SOCS5: variants seen among roughly 807,000 people sequenced by gnomAD.
SOCS5 encodes CIS-6.
Under a neutral mutation model 42.8 loss-of-function variants are expected in SOCS5, and 32 were observed. That is an observed-to-expected ratio of 0.75 (90% CI 0.56 to 1.01). SOCS5 has a LOEUF of 1.01. Ranked by LOEUF, SOCS5 falls within the 50% of genes least tolerant of loss-of-function variation. The probability of loss-of-function intolerance (pLI) is 0.00; values close to 1 mark genes in which losing one functional copy is unlikely to be tolerated. For synonymous variants in SOCS5, 283 were observed against 229.6 expected, an observed-to-expected ratio of 1.23 and a Z score of -2.10; for missense variants, 627 against 653.0, an observed-to-expected ratio of 0.96 and a Z score of 0.43.
At chr2:46,703,431 A>C (rs1180970805) in intron 1 of SOCS5, among the ~76,000 whole-genome samples, 3 of 152,038 alleles carry the variant, frequency 2.0e-5, no homozygotes, top group Non-Finnish European at 4.4e-5. Flanking sequence ...GTTAACTCTC[A>C]TAATAAGGAT....
At chr2:46,757,685 G>T (rs1387724515) in intron 1 of SOCS5, among the ~76,000 whole-genome samples, 1 of 152,076 alleles carries the variant, frequency 6.6e-6, no homozygotes, top group Non-Finnish European at 1.5e-5. Context: ...TGACCAACAT[G>T]GTGAAACCCC....
intron 1 of SOCS5, among the ~76,000 whole-genome samples, chr2:46,708,783 C>T (rs1357931388): frequency 6.6e-6 from 1 of 151,898 alleles, no homozygotes; most frequent in African/African-American, 2.4e-5. Context: ...TAGGCAAATG[C>T]ACTTCCTTAT....
chr2:46,698,997 TC>T (rs1672275870), upstream of SOCS5: 1 of 152,304 alleles, frequency 6.6e-6, no homozygotes, highest in African/African-American at 2.4e-5. Context: ...CCTCCCCGAC[TC>T]CCGGGCCGCC....
intron 1 of SOCS5, among the ~76,000 whole-genome samples, chr2:46,721,438 T>G (rs1672882648): frequency 6.6e-6 from 1 of 152,206 alleles, no homozygotes; most frequent in Non-Finnish European, 1.5e-5. Flanking sequence ...GTTTTTTAAT[T>G]GCACCAAATT....
intron 1 of SOCS5, among the ~76,000 whole-genome samples, chr2:46,738,314 A>G (rs1177418415): frequency 6.6e-6 from 1 of 152,208 alleles, no homozygotes; most frequent in Non-Finnish European, 1.5e-5. Context: ...AAATCTGGAC[A>G]AAGTTACTGG....
chr2:46,722,041 T>C (rs1390980409), intron 1 of SOCS5, among the ~76,000 whole-genome samples: 1 of 152,088 alleles, frequency 6.6e-6, no homozygotes, highest in East Asian at 1.9e-4. Flanking sequence ...TATGAATATA[T>C]AATCTTTATT....
At chr2:46,749,042 A>C (rs748811276) in intron 1 of SOCS5, among the ~76,000 whole-genome samples, 2 of 151,944 alleles carry the variant, frequency 1.3e-5, no homozygotes, top group Non-Finnish European at 2.9e-5. Flanking sequence ...ATTAAGGGAG[A>C]TTTGTGGGAA....
In SOCS5 at chr2:46,761,425, A is replaced by G. The variant is rs1428300348; in HGVS notation, c.*1284A>G. The G allele has an allele frequency of 6.0e-6, 1 of 167,110 alleles. No individual in the cohort carries two copies. The highest frequency in any genetic ancestry group is 2.1e-4 in the South Asian group (1 of 4,836). The allele number at this position is 167,110 out of a possible 1,614,324, so 10.4% of individuals were successfully genotyped here. On this transcript the variant is annotated 3_prime_UTR_variant, in exon 2 of 2. Coordinates refer to ENST00000394861, the MANE Select transcript of SOCS5 (RefSeq NM_144949.3). ...GCTCTGTACCACTGGTGAGTGCTCC[A>G]TAGTTTCCTTACCTGCTGCTACAGA...
intron 1 of SOCS5, among the ~76,000 whole-genome samples, chr2:46,745,246 GC>G (rs952212854): frequency 4.6e-5 from 7 of 152,064 alleles, no homozygotes; most frequent in Non-Finnish European, 1.0e-4. Flanking sequence ...TTCTTTATCT[GC>G]AAAAGAAGTC....
chr2:46,716,603 G>A (rs1672750471), intron 1 of SOCS5, among the ~76,000 whole-genome samples: 2 of 151,892 alleles, frequency 1.3e-5, no homozygotes, highest in African/African-American at 4.8e-5. Flanking sequence ...TTAGCTTGCT[G>A]TGTAGCTGGA....
At chr2:46,728,287 G>A (rs759601675) in intron 1 of SOCS5, among the ~76,000 whole-genome samples, 1 of 152,074 alleles carries the variant, frequency 6.6e-6, no homozygotes, top group Non-Finnish European at 1.5e-5. Flanking sequence ...GCATTCTGGG[G>A]TTTTATAGCT....
chr2:46,754,536 AGT>A (rs1187261385), intron 1 of SOCS5, among the ~76,000 whole-genome samples: 4 of 152,156 alleles, frequency 2.6e-5, no homozygotes, highest in Non-Finnish European at 4.4e-5. Context: ...CATAACTAAA[AGT>A]GTAACTCACT....
At chr2:46,713,779 T>C (rs1672679975) in intron 1 of SOCS5, among the ~76,000 whole-genome samples, 1 of 152,298 alleles carries the variant, frequency 6.6e-6, no homozygotes, top group East Asian at 1.9e-4. Flanking sequence ...AAAACAATTA[T>C]TAACATTTAA....
At chr2:46,755,951 C>A (rs751728341) in intron 1 of SOCS5, among the ~76,000 whole-genome samples, 1 of 152,138 alleles carries the variant, frequency 6.6e-6, no homozygotes, top group Non-Finnish European at 1.5e-5. Flanking sequence ...AATCAACTAT[C>A]TTTCTCCATG....
At chr2:46,709,428 G>C (rs953476199) in intron 1 of SOCS5, among the ~76,000 whole-genome samples, 4 of 152,184 alleles carry the variant, frequency 2.6e-5, no homozygotes, top group Non-Finnish European at 5.9e-5. Flanking sequence ...AAGTGCTGAA[G>C]GGAATTTGGA....
rs1321737588 is a variant in SOCS5 at position 46,759,868 on chromosome 2, A to G, written c.1338A>G (p.Val446=). 1.2e-6 allele frequency: 2 copies of G among 1,613,994 alleles called. No individual in the cohort carries two copies. Among genetic ancestry groups the G allele is most frequent in the Non-Finnish European group, 1.7e-6 (2 of 1,180,038 alleles). Residue 446 remains valine (V), a synonymous_variant, in exon 2 of 2, where the codon GTA becomes GTG. Transcript: ENST00000394861. ...GTTTCGACGCCCATGACCCGTGTGT[A>G]TTTCACTCCTCCACTGTAACGGGAC... is the stretch of plus-strand genomic sequence containing the variant. ...NFSFDAHDPC[V]FHSSTVTGLL... is the part of the protein sequence containing the mutation.
At chr2:46,751,994 T>C (rs1673632333) in intron 1 of SOCS5, among the ~76,000 whole-genome samples, 1 of 152,204 alleles carries the variant, frequency 6.6e-6, no homozygotes, top group South Asian at 2.1e-4. Flanking sequence ...GCTATGCTTA[T>C]TTACTTGCAT....
chr2:46,702,373 G>A (rs1373644892), intron 1 of SOCS5, among the ~76,000 whole-genome samples: 1 of 152,040 alleles, frequency 6.6e-6, no homozygotes, highest in Non-Finnish European at 1.5e-5. Flanking sequence ...TGCTTACCTT[G>A]GACCTTTAAT....
chr2:46,714,380 GTCA>G (rs1672693151), intron 1 of SOCS5, among the ~76,000 whole-genome samples: 1 of 152,200 alleles, frequency 6.6e-6, no homozygotes, highest in African/African-American at 2.4e-5. Flanking sequence ...TGACCCCTCT[GTCA>G]TCATGAAATG....
Sources: allele counts gnomAD v4.1 joint callset (sites outside exome capture counted in the v4.1 genomes callset), GRCh38; gene constraint gnomAD v4.1.1; transcripts MANE v1.5; gene names NCBI Gene and HGNC (gene_info 2026-07-23, HGNC 2026-07-21).